Variants in RAP1A observed in about 807,000 individuals in gnomAD.
RAP1A encodes the protein ras-related protein Rap-1A.
A neutral mutation model predicts 26.4 loss-of-function variants in RAP1A; 6 were observed. The observed-to-expected ratio is 0.23, with a 90% CI of 0.12 to 0.45. The LOEUF (loss-of-function observed/expected upper bound fraction) is 0.45, where lower values mean the gene tolerates loss of function less well. RAP1A is among the 20% of genes least tolerant of loss of function. The pLI, the probability that RAP1A is intolerant of heterozygous loss-of-function variation, is 0.99. For missense variants in RAP1A, 121 were observed against 217.2 expected, an observed-to-expected ratio of 0.56 and a Z score of 2.78; for synonymous variants, 73 against 79.4, an observed-to-expected ratio of 0.92 and a Z score of 0.43.
At chr1:111,670,800 T>G (rs1010997188) in intron 1 of RAP1A, among the ~76,000 whole-genome samples, 1 of 152,210 alleles carries the variant, frequency 6.6e-6, no homozygotes, top group Non-Finnish European at 1.5e-5. Flanking sequence ...ACTAACACAT[T>G]TTTGTGCAGG....
chr1:111,660,402 G>GT (rs1209342744), intron 1 of RAP1A, among the ~76,000 whole-genome samples: 1 of 150,664 alleles, frequency 6.6e-6, no homozygotes, highest in African/African-American at 2.4e-5. Context: ...ATTTATCTTG[G>GT]TTAGTGTTCT....
Position 111,674,684 on chromosome 1 carries a change from A to T in RAP1A, c.-27-16650A>T, listed in dbSNP as rs115435107. 8.6e-3 allele frequency among the ~76,000 whole-genome samples: 1,316 copies of T among 152,328 alleles called. 17 individuals are homozygous for T. Among genetic ancestry groups the T allele is most frequent in the African/African-American group, 0.03 (1,260 of 41,562 alleles). ...TGTCTTAATTGGAGGTAGGCTATCA[A>T]CCACTTACTTGCTCAAGCTAGATAC... On this transcript the variant is annotated intron_variant, in intron 1 of 7. Coordinates refer to ENST00000369709, the MANE Select transcript of RAP1A (RefSeq NM_002884.4).
At chr1:111,559,868 C>T (rs1185723291) in intron 1 of RAP1A, among the ~76,000 whole-genome samples, 1 of 152,102 alleles carries the variant, frequency 6.6e-6, no homozygotes. Flanking sequence ...AAAGATGCAG[C>T]ATAAATTACT....
chr1:111,710,663 T>G (rs1370884196), intron 7 of RAP1A, among the ~76,000 whole-genome samples: 3 of 152,178 alleles, frequency 2.0e-5, no homozygotes, highest in Admixed American at 1.3e-4. Context: ...ATCTCTCTAT[T>G]AAGGGAAACA....
At chr1:111,628,110 T>C (rs1449737141) in intron 1 of RAP1A, among the ~76,000 whole-genome samples, 1 of 152,146 alleles carries the variant, frequency 6.6e-6, no homozygotes, top group Admixed American at 6.6e-5. Context: ...GAGAATAATA[T>C]CTACCCCATA....
intron 1 of RAP1A, among the ~76,000 whole-genome samples, chr1:111,651,948 T>TG (rs1206573731): frequency 2.0e-5 from 3 of 152,004 alleles, no homozygotes; most frequent in East Asian, 1.9e-4. Flanking sequence ...TTTTTTTTTT[T>TG]TGTGCAAAAA....
At chr1:111,596,794 C>T (rs1658571904) in intron 1 of RAP1A, among the ~76,000 whole-genome samples, 1 of 152,202 alleles carries the variant, frequency 6.6e-6, no homozygotes, top group Admixed American at 6.5e-5. Flanking sequence ...TTTATAACAG[C>T]ATAGCACTAA....
intron 2 of RAP1A, among the ~76,000 whole-genome samples, chr1:111,692,356 G>C (rs1440458681): frequency 6.6e-6 from 1 of 152,186 alleles, no homozygotes; most frequent in Non-Finnish European, 1.5e-5. Flanking sequence ...CCGGTGATAT[G>C]ATTTTGGGTG....
chr1:111,551,741 TTTTGGTTTTG>T (rs1309880453), intron 1 of RAP1A, among the ~76,000 whole-genome samples: 1 of 103,590 alleles, frequency 9.7e-6, no homozygotes, highest in African/African-American at 3.1e-5. Context: ...GTTTTGTGGT[TTTTGGTTTTG>T]TTTTGTTTTG....
At chr1:111,545,860 C>T (rs376275972) in intron 1 of RAP1A, among the ~76,000 whole-genome samples, 1 of 152,194 alleles carries the variant, frequency 6.6e-6, no homozygotes, top group African/African-American at 2.4e-5. Context: ...TGTCCCAGCA[C>T]CATTTGTTGA....
chr1:111,635,722 C>T (rs1260937975), intron 1 of RAP1A, among the ~76,000 whole-genome samples: 1 of 152,032 alleles, frequency 6.6e-6, no homozygotes, highest in African/African-American at 2.4e-5. Flanking sequence ...TGTGCCACCA[C>T]ACCCAGTTAA....
intron 1 of RAP1A, among the ~76,000 whole-genome samples, chr1:111,596,318 T>C (rs1411699443): frequency 6.6e-6 from 1 of 152,190 alleles, no homozygotes; most frequent in African/African-American, 2.4e-5. Flanking sequence ...ACAGAGGCTC[T>C]GACAACAAGG....
At chr1:111,647,748 G>T (rs35889081) in intron 1 of RAP1A, among the ~76,000 whole-genome samples, 12,674 of 151,240 alleles carry the variant, frequency 0.084, 676 homozygotes, top group African/African-American at 0.17. Flanking sequence ...AAGAGATGAG[G>T]TCCAAGCTGG....
chr1:111,692,878 T>A (rs1410290711), intron 2 of RAP1A, among the ~76,000 whole-genome samples: 3 of 152,140 alleles, frequency 2.0e-5, no homozygotes, highest in African/African-American at 7.2e-5. Flanking sequence ...GGGAGTAGGA[T>A]TGGATAGCTG....
intron 1 of RAP1A, among the ~76,000 whole-genome samples, chr1:111,598,282 C>T (rs1360674853): frequency 6.6e-6 from 1 of 152,146 alleles, no homozygotes; most frequent in Admixed American, 6.5e-5. Context: ...TATACGTTAA[C>T]AGATTTAAAC....
intron 1 of RAP1A, among the ~76,000 whole-genome samples, chr1:111,554,175 A>G (rs1337192502): frequency 6.6e-6 from 1 of 152,242 alleles, no homozygotes; most frequent in Non-Finnish European, 1.5e-5. Context: ...TATAATGATA[A>G]TACCTATCTC....
chr1:111,688,299 G>GTGTGTGTA (rs149961847), intron 1 of RAP1A, among the ~76,000 whole-genome samples: 1 of 140,682 alleles, frequency 7.1e-6, no homozygotes, highest in Non-Finnish European at 1.5e-5. Context: ...GTGTGTGTGT[G>GTGTGTGTA]TATATATATT....
chr1:111,556,983 G>T (rs1178124468), intron 1 of RAP1A, among the ~76,000 whole-genome samples: 1 of 152,018 alleles, frequency 6.6e-6, no homozygotes, highest in Non-Finnish European at 1.5e-5. Context: ...GTTCAGAACT[G>T]ATAAAAGATG....
At chr1:111,631,384 T>C (rs1317521164) in intron 1 of RAP1A, among the ~76,000 whole-genome samples, 1 of 152,204 alleles carries the variant, frequency 6.6e-6, no homozygotes, top group Non-Finnish European at 1.5e-5. Context: ...ATGTCCTATC[T>C]GTAATGGACC....
Sources: gnomAD v4.1 joint callset for allele counts (sites outside exome capture counted in the v4.1 genomes callset) on GRCh38, gnomAD v4.1.1 for gene constraint, MANE v1.5 for transcripts, NCBI Gene and HGNC (gene_info 2026-07-23, HGNC 2026-07-21) for gene names.